Variants in NTRK3 observed in about 807,000 individuals in gnomAD.
NTRK3 encodes neurotrophic receptor tyrosine kinase 3.
NTRK3 carries 24 observed loss-of-function variants against 91.7 expected under a neutral mutation model. The observed-to-expected ratio is 0.26, with a 90% CI of 0.19 to 0.37. NTRK3 has a LOEUF of 0.37. Among genes scored for constraint, NTRK3 ranks in the 10% least tolerant of loss-of-function variants. The pLI is 1.00. For synonymous variants in NTRK3, 483 were observed against 404.0 expected (o/e 1.20, Z -2.34); for missense variants, 880 against 1,068.9 (o/e 0.82, Z 2.46).
chr15:88,052,298 G>A (rs1444498054), intron 13 of NTRK3, among the ~76,000 whole-genome samples: 2 of 152,210 alleles, frequency 1.3e-5, no homozygotes, highest in Non-Finnish European at 1.5e-5. Flanking sequence ...CAGCATGGCT[G>A]CCATTTCTTA....
exon 19 of NTRK3, chr15:87,864,782 C>G (rs773170784): frequency 4.4e-6 from 1 of 229,416 alleles, no homozygotes; most frequent in African/African-American, 2.2e-5. Flanking sequence ...CAAAACACGT[C>G]TCAAAAGCGG....
chr15:88,082,561 G>C (rs977108319), intron 13 of NTRK3, among the ~76,000 whole-genome samples: 9 of 152,116 alleles, frequency 5.9e-5, no homozygotes, highest in African/African-American at 2.2e-4. Flanking sequence ...CATCCACATT[G>C]ATTAGTTTTG....
chr15:88,096,595 G>A (rs997856465), intron 13 of NTRK3, among the ~76,000 whole-genome samples: 1 of 152,166 alleles, frequency 6.6e-6, no homozygotes, highest in Non-Finnish European at 1.5e-5. Flanking sequence ...CACAGTAAGA[G>A]CAAGCTTGGC....
chr15:88,255,338 C>A lies in NTRK3; in HGVS notation c.248+568G>T, dbSNP rs1450446665. Among the ~76,000 whole-genome samples the A allele has an allele frequency of 3.3e-5, 5 of 152,144 alleles. No homozygotes were observed. In the East Asian group the frequency reaches 9.7e-4, roughly 30 times the overall value. Reference sequence around the variant, plus strand: ...GCGTCCATGACGGCCTCCACACGTCCAAAGTCTCCCCGCGAGCAGCCAGCT... The same window carrying A: ...GCGTCCATGACGGCCTCCACACGTCAAAAGTCTCCCCGCGAGCAGCCAGCT... On this transcript the variant is annotated intron_variant, in intron 3 of 18. Transcript: ENST00000394480. The surrounding 1 kb of genome is among the most constrained non-coding windows in gnomAD (Gnocchi z 4.3).
chr15:88,196,750 T>C (rs2047856217), intron 3 of NTRK3, among the ~76,000 whole-genome samples: 1 of 152,226 alleles, frequency 6.6e-6, no homozygotes, highest in Admixed American at 6.5e-5. Context: ...CTTCCTCATA[T>C]ACTCACCCTC....
rs1383630364 is a variant in NTRK3 at position 88,255,348 on chromosome 15, C to G, written c.248+558G>C. Among the ~76,000 whole-genome samples the G allele has an allele frequency of 6.6e-6, 1 of 152,124 alleles. No homozygotes were observed. Among genetic ancestry groups the G allele is most frequent in the Non-Finnish European group, 1.5e-5 (1 of 68,020 alleles). Reference sequence around the variant, plus strand: ...CGGCCTCCACACGTCCAAAGTCTCCCCGCGAGCAGCCAGCTCGCAACTTGT... The same window carrying G: ...CGGCCTCCACACGTCCAAAGTCTCCGCGCGAGCAGCCAGCTCGCAACTTGT... On this transcript the variant is annotated intron_variant, in intron 3 of 18. Transcript: ENST00000394480. This position sits in a 1 kb window ranked among gnomAD's most constrained non-coding sequence, Gnocchi z 4.3.
intron 17 of NTRK3, among the ~76,000 whole-genome samples, chr15:87,915,262 G>A (rs1323802642): frequency 6.6e-6 from 1 of 152,238 alleles, no homozygotes; most frequent in Non-Finnish European, 1.5e-5. Flanking sequence ...AAGGAGAAAG[G>A]AGGTAGAGCT....
chr15:88,150,411 A>G lies in NTRK3; in HGVS notation c.396-3008T>C, dbSNP rs565221406. Among the ~76,000 whole-genome samples, 11 of 152,360 alleles carry G rather than the reference A, an allele frequency of 7.2e-5. No individual in the cohort carries two copies. The South Asian group carries it at 2.3e-3, about 32-fold the overall frequency. Reference sequence around the variant, plus strand: ...CATTCTGGGCAAATAAAGACTAAGAAATAGCATTATTGCCTTATTACAAGT... The same window carrying G: ...CATTCTGGGCAAATAAAGACTAAGAGATAGCATTATTGCCTTATTACAAGT... On this transcript the variant is annotated intron_variant, in intron 5 of 18. Transcript: ENST00000394480.
At chr15:87,880,236 C>T (rs2141464992) in intron 18 of NTRK3, 34 bp downstream of exon 19, 1 of 1,613,494 alleles carries the variant, frequency 6.2e-7, no homozygotes, top group Non-Finnish European at 8.5e-7. Flanking sequence ...ATGAGCCCTC[C>T]CCCAATCAAG....
intron 14 of NTRK3, among the ~76,000 whole-genome samples, chr15:87,952,433 T>TG (rs1489665932): frequency 6.6e-6 from 1 of 152,126 alleles, no homozygotes; most frequent in African/African-American, 2.4e-5. Context: ...GTTGCCCCAT[T>TG]GGGGCTTCCT....
chr15:88,143,420 C>A (rs1257803730), intron 6 of NTRK3, among the ~76,000 whole-genome samples: 1 of 152,144 alleles, frequency 6.6e-6, no homozygotes, highest in Non-Finnish European at 1.5e-5. Context: ...CCTGCCAACT[C>A]CCTTATTTCA....
At chr15:88,219,703 G>T (rs1359378708) in intron 3 of NTRK3, among the ~76,000 whole-genome samples, 1 of 152,222 alleles carries the variant, frequency 6.6e-6, no homozygotes, top group Non-Finnish European at 1.5e-5. Context: ...AGGCTTCCAG[G>T]GGTGGTGGAG....
In NTRK3 at chr15:88,212,809, G is replaced by T. The variant is rs555972026; in HGVS notation, c.249-28510C>A. On this transcript the variant is annotated intron_variant, in intron 3 of 18. Coordinates refer to ENST00000394480, the Ensembl canonical transcript of NTRK3. ...TATGTCCCACTCTGTGGCTGCCATT[G>T]GCAGAGCAAAAATCCATCAGACATC... is the stretch of plus-strand genomic sequence containing the variant. Among the ~76,000 whole-genome samples the T allele has an allele frequency of 7.2e-5, 11 of 151,914 alleles. No homozygotes were observed. The South Asian group carries it at 2.1e-3, about 29-fold the overall frequency.
At chr15:87,951,107 C>T (rs1401235762) in intron 14 of NTRK3, among the ~76,000 whole-genome samples, 3 of 152,318 alleles carry the variant, frequency 2.0e-5, no homozygotes, top group South Asian at 4.1e-4. Context: ...TGAGCTCGTG[C>T]TGTGCATCTG....
intron 3 of NTRK3, among the ~76,000 whole-genome samples, chr15:88,198,597 T>C (rs898068211): frequency 6.6e-5 from 10 of 152,278 alleles, no homozygotes; most frequent in African/African-American, 2.4e-4. Flanking sequence ...AGGCATTATC[T>C]GCCTGGCTTC....
intron 13 of NTRK3, among the ~76,000 whole-genome samples, chr15:88,075,141 C>T (rs897732049): frequency 6.6e-6 from 1 of 152,142 alleles, no homozygotes; most frequent in South Asian, 2.1e-4. Context: ...GTACAGTGAC[C>T]CTGCAGTGTG....
At chr15:88,000,030 A>T (rs914458218) in intron 14 of NTRK3, among the ~76,000 whole-genome samples, 1 of 152,184 alleles carries the variant, frequency 6.6e-6, no homozygotes, top group Non-Finnish European at 1.5e-5. Context: ...TATGATGGTG[A>T]TATTCAAGTA....
chr15:87,982,764 G>A (rs779899725), intron 14 of NTRK3, among the ~76,000 whole-genome samples: 24 of 152,178 alleles, frequency 1.6e-4, no homozygotes, highest in Admixed American at 3.9e-4. Flanking sequence ...AGCAAGGAAA[G>A]GTCAGTTCCC....
chr15:88,150,582 T>C (rs1302794655), intron 5 of NTRK3, among the ~76,000 whole-genome samples: 1 of 151,826 alleles, frequency 6.6e-6, no homozygotes, highest in Non-Finnish European at 1.5e-5. Context: ...GTGGATGGAA[T>C]GGCTGAAGCA....
Sources: gnomAD v4.1 joint callset for allele counts (sites outside exome capture counted in the v4.1 genomes callset) on GRCh38, gnomAD v4.1.1 for gene constraint, Gnocchi (gnomAD v3.1) non-coding constraint, MANE v1.5 for transcripts, NCBI Gene and HGNC (gene_info 2026-07-23, HGNC 2026-07-21) for gene names.